The following LARGE1 variants were observed in gnomAD, a reference collection of about 807,000 sequenced individuals.
The protein encoded by LARGE1 is xylosyl- and glucuronyltransferase LARGE1.
Under a neutral mutation model 87.6 loss-of-function variants are expected in LARGE1, and 43 were observed. The ratio of observed to expected loss-of-function variants is 0.49; its 90% confidence interval spans 0.38 to 0.63. LARGE1 has a LOEUF of 0.63. Among genes scored for constraint, LARGE1 ranks in the 30% least tolerant of loss-of-function variants. The pLI is 0.00. For missense variants in LARGE1, 802 were observed against 1,000.2 expected, an observed-to-expected ratio of 0.80 and a Z score of 2.67; for synonymous variants, 434 against 394.6, an observed-to-expected ratio of 1.10 and a Z score of -1.18.
intron 2 of LARGE1, among the ~76,000 whole-genome samples, chr22:33,756,024 T>C (rs1249818584): frequency 6.6e-6 from 1 of 152,082 alleles, no homozygotes; most frequent in East Asian, 1.9e-4. Context: ...AACTGAATAG[T>C]GGGCAGTAAG....
At chr22:33,347,746 G>T (rs1426820848) in intron 9 of LARGE1, among the ~76,000 whole-genome samples, 4 of 152,144 alleles carry the variant, frequency 2.6e-5, no homozygotes, top group African/African-American at 4.8e-5. Context: ...GCACCTAGTT[G>T]CCTAATATCA....
intron 9 of LARGE1, among the ~76,000 whole-genome samples, chr22:33,359,365 G>T (rs1333099753): frequency 6.6e-6 from 1 of 152,014 alleles, no homozygotes; most frequent in African/African-American, 2.4e-5. Flanking sequence ...AATGAAAAAA[G>T]ATTTACCTTG....
intron 10 of LARGE1, among the ~76,000 whole-genome samples, chr22:33,316,557 C>A (rs1343644948): frequency 1.3e-5 from 2 of 151,530 alleles, no homozygotes; most frequent in African/African-American, 2.4e-5. Flanking sequence ...CCTGGGCAAC[C>A]AGGCAAAACC....
chr22:33,440,844 CA>C (rs1229148881), intron 6 of LARGE1, among the ~76,000 whole-genome samples: 6 of 152,138 alleles, frequency 3.9e-5, no homozygotes, highest in Admixed American at 2.0e-4. Context: ...AGCTCCAGCT[CA>C]AAGCACCCTA....
intron 6 of LARGE1, among the ~76,000 whole-genome samples, chr22:33,561,605 C>T (rs774080923): frequency 1.3e-5 from 2 of 152,208 alleles, no homozygotes; most frequent in African/African-American, 4.8e-5. Context: ...ACAGTCCCAA[C>T]AGTAAGCTAT....
chr22:33,577,177 CA>C (rs1007148956), intron 5 of LARGE1, among the ~76,000 whole-genome samples: 34 of 148,482 alleles, frequency 2.3e-4, no homozygotes, highest in African/African-American at 6.2e-4. Flanking sequence ...TTGTGGGGAT[CA>C]AAAAAAAATA....
intron 6 of LARGE1, among the ~76,000 whole-genome samples, chr22:33,559,212 G>C (rs1182143912): frequency 2.6e-5 from 4 of 152,126 alleles, no homozygotes; most frequent in Admixed American, 6.5e-5. Flanking sequence ...ACGCAGTCTT[G>C]CTCTTGTTGC....
chr22:33,761,797 C>T (rs751444918), intron 1 of LARGE1, among the ~76,000 whole-genome samples: 2 of 151,996 alleles, frequency 1.3e-5, no homozygotes, highest in African/African-American at 2.4e-5. Context: ...CAAACACGCA[C>T]ACACACATAC....
chr22:33,916,049 G>A lies in LARGE1; in HGVS notation c.-83+3946C>T, dbSNP rs760045127. ...TGTAATCCCAGCACTTTGGGAGGCCGAGACAGGTGGATCACAAGGTCAGGA... is the reference window on the plus strand; with the variant it reads ...TGTAATCCCAGCACTTTGGGAGGCCAAGACAGGTGGATCACAAGGTCAGGA... On this transcript the variant is annotated intron_variant, in intron 1 of 14. Transcript: ENST00000397394. Among the ~76,000 whole-genome samples, 13 of 152,232 alleles carry A rather than the reference G, an allele frequency of 8.5e-5. No homozygotes were observed. The East Asian group carries it at 1.4e-3, about 16-fold the overall frequency.
chr22:33,219,118 A>G (rs2145616458), intron 11 of LARGE1, among the ~76,000 whole-genome samples: 1 of 152,362 alleles, frequency 6.6e-6, no homozygotes. Flanking sequence ...CATGAGAAAC[A>G]AATGTATTGA....
chr22:33,825,392 A>G (rs2062751832), intron 1 of LARGE1, among the ~76,000 whole-genome samples: 1 of 120,966 alleles, frequency 8.3e-6, no homozygotes, highest in South Asian at 2.5e-4. Flanking sequence ...AATTGCTAAT[A>G]AAGACATACC....
At chr22:33,638,662 G>A (rs928996591) in intron 3 of LARGE1, among the ~76,000 whole-genome samples, 5 of 152,194 alleles carry the variant, frequency 3.3e-5, no homozygotes, top group African/African-American at 1.2e-4. Context: ...CTTTCTGGCT[G>A]TGTGACCTTG....
intron 1 of LARGE1, among the ~76,000 whole-genome samples, chr22:33,899,903 T>G (rs2065240612): frequency 6.6e-6 from 1 of 152,204 alleles, no homozygotes; most frequent in Non-Finnish European, 1.5e-5. Flanking sequence ...TAAATGCAAG[T>G]AAAAGGCACA....
intron 2 of LARGE1, among the ~76,000 whole-genome samples, chr22:33,700,910 C>T (rs2082388187): frequency 6.6e-6 from 1 of 152,240 alleles, no homozygotes; most frequent in African/African-American, 2.4e-5. Flanking sequence ...GGGTGTAGCC[C>T]GAGAGTGGAT....
chr22:33,338,799 G>A (rs527413201), intron 9 of LARGE1, among the ~76,000 whole-genome samples: 87 of 152,242 alleles, frequency 5.7e-4, no homozygotes, highest in Non-Finnish European at 9.3e-4. Context: ...ATGGTCAGTT[G>A]GGGAAAAGTG....
chr22:33,296,512 T>C (rs1466005347), intron 12 of LARGE1, among the ~76,000 whole-genome samples: 6 of 152,056 alleles, frequency 3.9e-5, no homozygotes, highest in Non-Finnish European at 8.8e-5. Flanking sequence ...AGGCTAAGCA[T>C]AGAACACCTA....
intron 2 of LARGE1, among the ~76,000 whole-genome samples, chr22:33,748,591 G>C (rs1346405018): frequency 2.0e-5 from 3 of 152,080 alleles, no homozygotes. Context: ...GTCAATTTGC[G>C]GTAAGAGAGG....
intron 2 of LARGE1, among the ~76,000 whole-genome samples, chr22:33,721,446 A>G (rs1036875054): frequency 6.6e-6 from 1 of 152,344 alleles, no homozygotes; most frequent in African/African-American, 2.4e-5. Flanking sequence ...ACTATTATCA[A>G]TTCATACAAT....
the LARGE1 span, among the ~76,000 whole-genome samples, chr22:33,078,654 A>G: frequency 0.043 from 6,568 of 152,290 alleles, 193 homozygotes; most frequent in Non-Finnish European, 0.067. Context: ...TGTTTTTTGA[A>G]TCCTTACAAA....
Sources: gnomAD v4.1 joint callset for allele counts (sites outside exome capture counted in the v4.1 genomes callset) on GRCh38, gnomAD v4.1.1 for gene constraint, MANE v1.5 for transcripts, NCBI Gene and HGNC (gene_info 2026-07-23, HGNC 2026-07-21) for gene names.